The following ARG1 variants were observed in gnomAD, a reference collection of about 807,000 sequenced individuals.
ARG1 encodes arginase 1.
A neutral mutation model predicts 33.0 loss-of-function variants in ARG1; 20 were observed. That is an observed-to-expected ratio of 0.61 (90% CI 0.43 to 0.88). The LOEUF (loss-of-function observed/expected upper bound fraction) is 0.88, where lower values mean the gene tolerates loss of function less well. Among genes scored for constraint, ARG1 ranks in the 40% least tolerant of loss-of-function variants. The pLI, the probability that ARG1 is intolerant of heterozygous loss-of-function variation, is 0.00. For synonymous variants in ARG1, 146 were observed against 140.6 expected (o/e 1.04, Z -0.27); for missense variants, 374 against 384.7 (o/e 0.97, Z 0.23).
Position 131,583,162 on chromosome 6 carries a change from A to G in ARG1, c.663A>G (p.Gly221=), listed in dbSNP as rs1452547824. The G allele has an allele frequency of 6.2e-7, 1 of 1,613,126 alleles. No individual in the cohort carries two copies. The highest frequency in any genetic ancestry group is 2.2e-5 in the East Asian group (1 of 44,834). Residue 221 remains glycine, a splice_region_variant and synonymous_variant, in exon 6 of 8, where the codon GGA becomes GGG. Coordinates refer to ENST00000368087, the MANE Select transcript of ARG1 (RefSeq NM_000045.4). The part of the protein sequence containing the change: ...VMEETLSYLL[G]RKKRPIHLSF... Reference sequence around the variant, plus strand: ...AAGAAACACTCAGCTATCTACTAGGAAGGTAGGATTCTTTTGTGTGTGCAC... The same window carrying G: ...AAGAAACACTCAGCTATCTACTAGGGAGGTAGGATTCTTTTGTGTGTGCAC...
intron 2 of ARG1, 52 bp from the exon 3 acceptor site, chr6:131,579,059 C>T: frequency 6.3e-7 from 1 of 1,590,180 alleles, no homozygotes; most frequent in Non-Finnish European, 8.6e-7. Flanking sequence ...CCTACACAGA[C>T]TGATTTATAA....
At chr6:131,578,232 A>C (rs1773725773) in intron 2 of ARG1, among the ~76,000 whole-genome samples, 1 of 151,896 alleles carries the variant, frequency 6.6e-6, no homozygotes, top group Non-Finnish European at 1.5e-5. Flanking sequence ...TAGAGAACAG[A>C]ATGCTTGGGT....
intron 7 of ARG1, 68 bp from the exon 8 acceptor site, chr6:131,583,674 G>A: frequency 1.3e-6 from 2 of 1,564,922 alleles, no homozygotes; most frequent in East Asian, 2.3e-5. Flanking sequence ...AATCTTTCAA[G>A]TCTGTCTGTA....
rs1236330989 is a variant in ARG1 at position 131,583,897 on chromosome 6, C to T, written c.958C>T (p.Pro320Ser). The change falls in exon 8 of 8, where the codon CCA becomes TCA. Residue 320 changes from proline to serine, a missense_variant. Transcript: ENST00000368087. Reference sequence around the variant, plus strand: ...TCACAAGCCTATTGACTACCTTAACCCACCTAAGTAAATGTGGAAACATCC... The same window carrying T: ...TCACAAGCCTATTGACTACCTTAACTCACCTAAGTAAATGTGGAAACATCC... ...GNHKPIDYLN[P>S]PK is the part of the protein sequence containing the mutation. The T allele has an allele frequency of 1.2e-6, 2 of 1,614,030 alleles. No homozygotes were observed. Among genetic ancestry groups the T allele is most frequent in the East Asian group, 2.2e-5 (1 of 44,850 alleles).
chr6:131,576,578 C>T, intron 1 of ARG1, 85 bp from the exon 2 acceptor site: 1 of 1,300,898 alleles, frequency 7.7e-7, no homozygotes, highest in South Asian at 1.2e-5. Context: ...TACAGTTCAA[C>T]TGATTAAATA....
chr6:131,573,937 C>T (rs1348297967), intron 1 of ARG1: 1 of 331,812 alleles, frequency 3.0e-6, no homozygotes, highest in African/African-American at 2.1e-5. Context: ...AAAAAAAGAA[C>T]AAAAAAAGAA....
chr6:131,582,808 C>A, intron 5 of ARG1, 93 bp downstream of exon 5: 1 of 1,031,772 alleles, frequency 9.7e-7, no homozygotes, highest in Non-Finnish European at 1.5e-6. Context: ...GAAAATTAAA[C>A]ATCAAGACAC....
In ARG1 at chr6:131,573,478, C is replaced by T; in HGVS notation, c.57+139C>T. On this transcript the variant is annotated intron_variant, in intron 1 of 7. Transcript: ENST00000368087. ...GGAAATGCATATTTTAAAGTCCTCT[C>T]ACCATTTTCCAACATTGTATAATTA... The T allele has an allele frequency of 3.8e-6, 3 of 791,956 alleles. No individual in the cohort carries two copies. The South Asian group carries it at 4.5e-5, about 12-fold the overall frequency. 49.1% of individuals were successfully genotyped at this position (791,956 alleles called of 1,614,324 possible).
intron 3 of ARG1, 95 bp from the exon 4 acceptor site, chr6:131,581,124 T>A: frequency 1.5e-6 from 2 of 1,293,778 alleles, no homozygotes; most frequent in Non-Finnish European, 2.2e-6. Flanking sequence ...ACACTGTGAC[T>A]CAAAGGAAAA....
chr6:131,582,482 T>C, intron 4 of ARG1, 139 bp from the exon 5 acceptor site: 1 of 719,204 alleles, frequency 1.4e-6, no homozygotes, highest in Non-Finnish European at 2.4e-6. Flanking sequence ...TTCTTAATTG[T>C]GTATTATTTT....
At position 131,581,367 on chromosome 6, in the gene ARG1, C is replaced by T. The variant is rs1562359129; in HGVS notation, c.454C>T (p.Leu152=). ...ACCTGTATCTTTCCTCCTGAAGGAA[C>T]TAAAAGGAAAGGTAAAAGACTGGTT... ...GQPVSFLLKE[L]KGKIPDVPGF... The change falls in exon 4 of 8, where the codon CTA becomes TTA. Residue 152 remains leucine, a synonymous_variant. Transcript: ENST00000368087. The T allele has an allele frequency of 6.2e-7, 1 of 1,612,858 alleles. No homozygotes were observed.
chr6:131,581,602 T>C (rs1180709853), intron 4 of ARG1, among the ~76,000 whole-genome samples: 2 of 152,224 alleles, frequency 1.3e-5, no homozygotes, highest in Non-Finnish European at 2.9e-5. Flanking sequence ...ATTCTTAAAC[T>C]ATCCTTTTAG....
chr6:131,584,030 G>A lies in ARG1; in HGVS notation c.*122G>A. On this transcript the variant is annotated 3_prime_UTR_variant, in exon 8 of 8. Transcript: ENST00000368087. Reference sequence around the variant, plus strand: ...TTTCAGAAAAATGTTTTTCCAATTAGTATAAACTCTACAAATTCCCTCTTG... The same window carrying A: ...TTTCAGAAAAATGTTTTTCCAATTAATATAAACTCTACAAATTCCCTCTTG... The A allele has an allele frequency of 8.9e-7, 1 of 1,121,030 alleles. No individual in the cohort carries two copies. The highest frequency in any genetic ancestry group is 1.6e-5 in the South Asian group (1 of 64,322). The allele number at this position is 1,121,030 out of a possible 1,614,324, so 69.4% of individuals were successfully genotyped here.
chr6:131,583,130 G>A lies in ARG1; in HGVS notation c.631G>A (p.Val211Met), dbSNP rs1280581278. Residue 211 changes from valine (V) to methionine (M), a missense_variant, in exon 6 of 8, where the codon GTG becomes ATG. Coordinates refer to ENST00000368087, the MANE Select transcript of ARG1 (RefSeq NM_000045.4). ...TEVDRLGIGK[V>M]MEETLSYLLG... ...AGTGGACAGACTAGGAATTGGCAAG[G>A]TGATGGAAGAAACACTCAGCTATCT... 2 of 1,613,978 alleles carry A rather than the reference G, an allele frequency of 1.2e-6. No homozygotes were observed. Among genetic ancestry groups the A allele is most frequent in the African/African-American group, 1.3e-5 (1 of 75,038 alleles).
At chr6:131,583,619 A>G in intron 7 of ARG1, 123 bp from the exon 8 acceptor site, 1 of 1,515,888 alleles carries the variant, frequency 6.6e-7, no homozygotes, top group Non-Finnish European at 9.1e-7. Context: ...TGATGCAATA[A>G]CTAAAGTGTT....
rs778602133 is a variant in ARG1 at position 131,573,282 on chromosome 6, C to A, written c.-1C>A. The A allele has an allele frequency of 1.9e-6, 3 of 1,613,888 alleles. No homozygotes were observed. Among genetic ancestry groups the A allele is most frequent in the Non-Finnish European group, 2.5e-6 (3 of 1,179,960 alleles). On this transcript the variant is annotated 5_prime_UTR_variant, in exon 1 of 8. Coordinates refer to ENST00000368087, the MANE Select transcript of ARG1 (RefSeq NM_000045.4). ...AGTGCAGCAAAGAGAAGTGTCAGAG[C>A]ATGAGCGCCAAGTCCAGAACCATAG... is the stretch of plus-strand genomic sequence containing the variant.
At chr6:131,581,488 A>C in intron 4 of ARG1, 110 bp downstream of exon 4, 3 of 1,290,540 alleles carry the variant, frequency 2.3e-6, no homozygotes, top group Non-Finnish European at 3.2e-6. Context: ...TGTAATCTCA[A>C]ATCATTTTCT....
Position 131,584,097 on chromosome 6 carries a change from T to A in ARG1, c.*189T>A, listed in dbSNP as rs991492256. On this transcript the variant is annotated 3_prime_UTR_variant, in exon 8 of 8. Coordinates refer to ENST00000368087, the MANE Select transcript of ARG1 (RefSeq NM_000045.4). ...GTGGAAATTCTAACTTTTTTGAAATTTAAAAGCTTATATTTTCTAACTTGG... is the reference window on the plus strand; with the variant it reads ...GTGGAAATTCTAACTTTTTTGAAATATAAAAGCTTATATTTTCTAACTTGG... The A allele has an allele frequency of 4.6e-6, 3 of 658,124 alleles. No individual in the cohort carries two copies. The highest frequency in any genetic ancestry group is 7.5e-6 in the Non-Finnish European group (3 of 399,832). 40.8% of individuals were successfully genotyped at this position (658,124 alleles called of 1,614,324 possible).
chr6:131,581,480 TA>T, intron 4 of ARG1, 102 bp downstream of exon 4: 1 of 1,336,278 alleles, frequency 7.5e-7, no homozygotes, highest in Non-Finnish European at 1.0e-6. Flanking sequence ...ATTCTTGGTG[TA>T]ATCTCAAATC....
Sources: allele counts gnomAD v4.1 joint callset (sites outside exome capture counted in the v4.1 genomes callset), GRCh38; gene constraint gnomAD v4.1.1; transcripts MANE v1.5; gene names NCBI Gene and HGNC (gene_info 2026-07-23, HGNC 2026-07-21).